Variants in NBPF4 observed in about 807,000 individuals in gnomAD.
NBPF4 encodes NBPF member 4.
A neutral mutation model predicts 21.1 loss-of-function variants in NBPF4; 11 were observed. The observed-to-expected ratio is 0.52, with a 90% CI of 0.33 to 0.86. NBPF4 has a LOEUF of 0.86. Among genes scored for constraint, NBPF4 ranks in the 40% least tolerant of loss-of-function variants. The pLI is 0.03. For synonymous variants in NBPF4, 47 were observed against 106.4 expected (o/e 0.44, Z 3.43); for missense variants, 88 against 265.3 (o/e 0.33, Z 4.64).
chr1:108,228,969 G>A lies in NBPF4; in HGVS notation c.1611C>T (p.Thr537=). The change falls in exon 13 of 15, where the codon ACC becomes ACT. Residue 537 remains threonine, a synonymous_variant. Coordinates refer to ENST00000415641, the MANE Select transcript of NBPF4 (RefSeq NM_001143989.3). ...GLAQRGLSST[T]CSFSANADSG... ...AATCAGCATTGGCTGAGAAGCTGCA[G>A]GTGGTGGAGGAAAGGCCCCGCTGGG... 1 of 1,532,062 alleles carries A rather than the reference G, an allele frequency of 6.5e-7. No individual in the cohort carries two copies. The highest frequency in any genetic ancestry group is 1.2e-5 in the South Asian group (1 of 83,476). The allele number at this position is 1,532,062 out of a possible 1,614,324, so 94.9% of individuals were successfully genotyped here.
chr1:108,266,162 A>G, the NBPF4 span, among the ~76,000 whole-genome samples: 1 of 145,790 alleles, frequency 6.9e-6, no homozygotes, highest in African/African-American at 2.6e-5. Flanking sequence ...GGAAAAAAAA[A>G]AAAAGGCAAT....
rs1649737739 is a variant in NBPF4 at position 108,242,077 on chromosome 1, A to T, written c.275T>A (p.Leu92His). The stretch of plus-strand genomic sequence containing the variant: ...GCCCCCAGTGGGGCCCGCTCACCTG[A>T]GCTCCTCAGCTTGCCTGAGCTTCTC... ...LAEKLRQAEE[L>H]RQYKALVHSQ... The change falls in exon 3 of 15, where the codon CTC (leucine) becomes CAC (histidine). Residue 92 changes from leucine to histidine, a missense_variant. Coordinates refer to ENST00000415641, the MANE Select transcript of NBPF4 (RefSeq NM_001143989.3). 1.3e-5 allele frequency: 1 copy of T among 78,508 alleles called. No homozygotes were observed. Among genetic ancestry groups the T allele is most frequent in the Non-Finnish European group, 2.0e-5 (1 of 49,732 alleles). 4.9% of individuals were successfully genotyped at this position (78,508 alleles called of 1,614,324 possible).
At position 108,223,775 on chromosome 1, in the gene NBPF4, A is replaced by G. The variant is rs1302916785; in HGVS notation, c.1876-29T>C. 1.9e-6 allele frequency: 3 copies of G among 1,547,132 alleles called. No individual in the cohort carries two copies. In the South Asian group the frequency reaches 3.6e-5, roughly 19 times the overall value. On this transcript the variant is annotated intron_variant, in intron 14 of 14. Transcript: ENST00000415641. ...TAGGGGAGAGAGAGAAAAAAAATCA[A>G]ATGAGCATTTTTGTCAGGTCCACCT...
the NBPF4 span, among the ~76,000 whole-genome samples, chr1:108,257,700 T>C: frequency 7.0e-5 from 10 of 141,964 alleles, no homozygotes; most frequent in Non-Finnish European, 1.4e-4. Context: ...CATATATGCA[T>C]TGGTTTATTT....
At chr1:108,226,530 G>C (rs1649478640) in intron 14 of NBPF4, 149 bp downstream of exon 14, 1 of 858,742 alleles carries the variant, frequency 1.2e-6, no homozygotes, top group Admixed American at 2.6e-5. Flanking sequence ...CAGGGTGGGA[G>C]CCCATGGGAC....
At chr1:108,229,227 T>A in intron 12 of NBPF4, 71 bp from the exon 13 acceptor site, 1 of 1,185,644 alleles carries the variant, frequency 8.4e-7, no homozygotes, top group Non-Finnish European at 1.2e-6. Flanking sequence ...AGAACACCCA[T>A]CCCTGATGTC....
chr1:108,241,017 C>G lies in NBPF4; in HGVS notation c.426G>C (p.Gln142His), dbSNP rs955700808. The change falls in exon 4 of 15, where the codon CAG becomes CAC. Residue 142 changes from glutamine (Q) to histidine (H), a missense_variant. Around this residue, in one of 4 missense-constraint regions of NBPF4, gnomAD observed 60 missense variants for 86.5 expected, o/e 0.69. Coordinates refer to ENST00000415641, the MANE Select transcript of NBPF4 (RefSeq NM_001143989.3). ...CCTCAGCCAGCTGCTCTCGGAGGTC[C>G]TGACCCTGGGACTTGTCAGGGTCAT... The part of the protein sequence containing the change: ...TPDDPDKSQG[Q>H]DLREQLAEGH... 3.4e-6 allele frequency: 1 copy of G among 293,118 alleles called. No homozygotes were observed. Among genetic ancestry groups the G allele is most frequent in the Admixed American group, 7.0e-5 (1 of 14,196 alleles). The allele number at this position is 293,118 out of a possible 1,614,324, so 18.2% of individuals were successfully genotyped here.
At chr1:108,257,837 T>C in the NBPF4 span, among the ~76,000 whole-genome samples, 1 of 135,166 alleles carries the variant, frequency 7.4e-6, no homozygotes, top group Non-Finnish European at 1.6e-5. Flanking sequence ...GTGTGATCAC[T>C]TCCTGGGTTC....
chr1:108,244,947 T>TATATAC (rs754071410), upstream of NBPF4, among the ~76,000 whole-genome samples: 42 of 34,940 alleles, frequency 1.2e-3, 1 homozygote, highest in Non-Finnish European at 1.6e-3. Flanking sequence ...TATATATATA[T>TATATAC]ACACACACAT....
At chr1:108,224,453 T>A (rs1447689572) in intron 14 of NBPF4, among the ~76,000 whole-genome samples, 1 of 140,134 alleles carries the variant, frequency 7.1e-6, no homozygotes, top group Non-Finnish European at 1.5e-5. Context: ...AGGACAGGAA[T>A]AAGGTTTTAC....
chr1:108,264,343 A>G, the NBPF4 span, among the ~76,000 whole-genome samples: 2 of 120,040 alleles, frequency 1.7e-5, no homozygotes, highest in Non-Finnish European at 3.3e-5. Context: ...AGAGCTAACT[A>G]TCCTAAATAT....
At chr1:108,266,234 C>G in the NBPF4 span, among the ~76,000 whole-genome samples, 1 of 144,306 alleles carries the variant, frequency 6.9e-6, no homozygotes, top group Admixed American at 7.1e-5. Flanking sequence ...TAAACACAAT[C>G]AGAAATGATA....
chr1:108,226,156 G>A (rs2101673258), intron 14 of NBPF4, among the ~76,000 whole-genome samples: 1 of 145,954 alleles, frequency 6.9e-6, no homozygotes, highest in East Asian at 2.0e-4. Flanking sequence ...TCCTAGAGGG[G>A]CTCTTAGTGC....
At chr1:108,264,371 GA>G in the NBPF4 span, among the ~76,000 whole-genome samples, 1 of 101,032 alleles carries the variant, frequency 9.9e-6, no homozygotes, top group Non-Finnish European at 1.9e-5. Context: ...CCCAATACAG[GA>G]GCACCCAGAT....
chr1:108,264,126 C>T, the NBPF4 span, among the ~76,000 whole-genome samples: 1 of 140,306 alleles, frequency 7.1e-6, no homozygotes, highest in Non-Finnish European at 1.5e-5. Context: ...CATCGGTATG[C>T]TGTATTCAAG....
Position 108,229,068 on chromosome 1 carries a change from C to T in NBPF4, c.1512G>A (p.Leu504=), listed in dbSNP as rs1367707308. Residue 504 remains leucine (L), a synonymous_variant, in exon 13 of 15, where the codon CTG becomes CTA. Coordinates refer to ENST00000415641, the MANE Select transcript of NBPF4 (RefSeq NM_001143989.3). ...AACTGGGCACCAGGGTGCTTGGTTC[C>T]AGCTGTGCCTGTGAAACTTGCACCT... ...QSEVQVSQAQ[L]EPSTLVPSCL... 1.3e-6 allele frequency: 2 copies of T among 1,550,900 alleles called. No individual in the cohort carries two copies. Among genetic ancestry groups the T allele is most frequent in the Admixed American group, 2.0e-5 (1 of 50,950 alleles).
chr1:108,252,787 G>T, the NBPF4 span, among the ~76,000 whole-genome samples: 1 of 97,144 alleles, frequency 1.0e-5, no homozygotes, highest in Non-Finnish European at 2.0e-5. Flanking sequence ...TGCTAGCTTT[G>T]GGGTTGGTTT....
At chr1:108,258,380 T>C in the NBPF4 span, among the ~76,000 whole-genome samples, 8 of 138,978 alleles carry the variant, frequency 5.8e-5, no homozygotes, top group African/African-American at 1.1e-4. Flanking sequence ...ATGCATTTTA[T>C]ACAGTTGACA....
At chr1:108,246,579 C>A (rs1649850128), upstream of NBPF4, among the ~76,000 whole-genome samples, 1 of 107,278 alleles carries the variant, frequency 9.3e-6, no homozygotes. Context: ...CTCAGAATGA[C>A]CTGGCCGTGA....
Sources: allele counts gnomAD v4.1 joint callset (sites outside exome capture counted in the v4.1 genomes callset), GRCh38; gene constraint gnomAD v4.1.1; regional missense constraint gnomAD v4.1.1; transcripts MANE v1.5; gene names NCBI Gene and HGNC (gene_info 2026-07-23, HGNC 2026-07-21).